Variants in CLYBL observed in about 807,000 individuals in gnomAD.
CLYBL encodes the protein citramalyl-CoA lyase.
CLYBL carries 31 observed loss-of-function variants against 38.9 expected under a neutral mutation model. The observed-to-expected ratio is 0.80, with a 90% CI of 0.60 to 1.08. The LOEUF is 1.08. CLYBL is among the 50% of genes least tolerant of loss of function. The pLI is 0.00. For missense variants in CLYBL, 434 were observed against 411.6 expected (o/e 1.05, Z -0.47); for synonymous variants, 171 against 158.6 (o/e 1.08, Z -0.59).
intron 9 of CLYBL, among the ~76,000 whole-genome samples, chr13:99,906,041 T>C (rs552171182): frequency 6.6e-6 from 1 of 152,306 alleles, no homozygotes; most frequent in African/African-American, 2.4e-5. Flanking sequence ...CCCAAAGTGC[T>C]AGGATTACAG....
At chr13:99,627,187 C>G (rs193212304) in intron 1 of CLYBL, among the ~76,000 whole-genome samples, 3 of 152,144 alleles carry the variant, frequency 2.0e-5, no homozygotes, top group Non-Finnish European at 4.4e-5. Flanking sequence ...TAATTTCTGA[C>G]TCAGACATCT....
chr13:99,670,561 C>A (rs2047551000), intron 1 of CLYBL, among the ~76,000 whole-genome samples: 2 of 152,122 alleles, frequency 1.3e-5, no homozygotes, highest in Admixed American at 1.3e-4. Flanking sequence ...CTGCTCTGCC[C>A]TTCTTTCAAC....
intron 2 of CLYBL, among the ~76,000 whole-genome samples, chr13:99,800,003 G>A (rs986477249): frequency 2.0e-5 from 3 of 152,210 alleles, no homozygotes; most frequent in African/African-American, 4.8e-5. Context: ...ATCCTGTTGG[G>A]ATTCTTTTAT....
At chr13:99,625,965 C>A (rs1035333540) in intron 1 of CLYBL, among the ~76,000 whole-genome samples, 4 of 152,144 alleles carry the variant, frequency 2.6e-5, no homozygotes, top group African/African-American at 9.7e-5. Flanking sequence ...AAGAAGGGTG[C>A]GGTGTGAGGT....
intron 2 of CLYBL, among the ~76,000 whole-genome samples, chr13:99,851,353 G>A (rs2051325342): frequency 8.7e-6 from 1 of 114,334 alleles, no homozygotes; most frequent in African/African-American, 3.4e-5. Flanking sequence ...GGCAACAAGA[G>A]TGAAAGTCCA....
intron 2 of CLYBL, among the ~76,000 whole-genome samples, chr13:99,805,690 C>A (rs1002301915): frequency 6.6e-6 from 1 of 151,854 alleles, no homozygotes; most frequent in Non-Finnish European, 1.5e-5. Context: ...TCAGCAGGTG[C>A]CCTTATTTTT....
chr13:99,787,880 AGT>A (rs960299024), intron 2 of CLYBL, among the ~76,000 whole-genome samples: 3 of 152,192 alleles, frequency 2.0e-5, no homozygotes, highest in Admixed American at 6.5e-5. Context: ...TTCACTGAGC[AGT>A]GCTTTGTAGT....
At chr13:99,611,104 A>G (rs75912441) in intron 1 of CLYBL, among the ~76,000 whole-genome samples, 3 of 152,204 alleles carry the variant, frequency 2.0e-5, no homozygotes, top group Non-Finnish European at 4.4e-5. Flanking sequence ...TTGATTTTCA[A>G]GTCTACCACA....
intron 2 of CLYBL, among the ~76,000 whole-genome samples, chr13:99,802,033 A>T (rs749118819): frequency 4.6e-5 from 7 of 152,186 alleles, no homozygotes; most frequent in Non-Finnish European, 1.0e-4. Flanking sequence ...CAAAAAAACA[A>T]AAAAACACAC....
At chr13:99,751,760 A>G (rs1008820431) in intron 1 of CLYBL, among the ~76,000 whole-genome samples, 1 of 152,160 alleles carries the variant, frequency 6.6e-6, no homozygotes, top group Admixed American at 6.5e-5. Flanking sequence ...CACAACGGTG[A>G]GAATGTACTC....
intron 7 of CLYBL, among the ~76,000 whole-genome samples, chr13:99,875,886 T>C (rs2052026136): frequency 6.6e-6 from 1 of 152,164 alleles, no homozygotes. Context: ...CCCTGCTCAT[T>C]TAACATTTTC....
chr13:99,768,773 A>G (rs766261269), intron 1 of CLYBL, among the ~76,000 whole-genome samples: 2 of 152,070 alleles, frequency 1.3e-5, no homozygotes, highest in African/African-American at 2.4e-5. Flanking sequence ...TCGGCCTCCC[A>G]AAGTGCTAGG....
At chr13:99,607,586 G>T (rs1475469931) in intron 1 of CLYBL, among the ~76,000 whole-genome samples, 1 of 152,108 alleles carries the variant, frequency 6.6e-6, no homozygotes, top group Non-Finnish European at 1.5e-5. Flanking sequence ...GTCTCATTTG[G>T]TTCCCTTGAC....
At chr13:99,625,933 G>A (rs752823986) in intron 1 of CLYBL, among the ~76,000 whole-genome samples, 7 of 152,142 alleles carry the variant, frequency 4.6e-5, no homozygotes, top group Non-Finnish European at 7.3e-5. Flanking sequence ...CGTGAGATAC[G>A]GGCTCCTTTT....
intron 2 of CLYBL, among the ~76,000 whole-genome samples, chr13:99,776,550 T>A (rs897030521): frequency 2.0e-5 from 3 of 151,892 alleles, no homozygotes; most frequent in Non-Finnish European, 2.9e-5. Context: ...AGGACTTAAT[T>A]TTATCTGACA....
At chr13:99,846,159 A>G (rs930250969) in intron 2 of CLYBL, among the ~76,000 whole-genome samples, 8 of 152,126 alleles carry the variant, frequency 5.3e-5, no homozygotes, top group Admixed American at 3.9e-4. Flanking sequence ...TACAAAATAC[A>G]TAAGTAAAAT....
chr13:99,655,355 C>T (rs1380426312), intron 1 of CLYBL, among the ~76,000 whole-genome samples: 2 of 152,248 alleles, frequency 1.3e-5, no homozygotes, highest in African/African-American at 4.8e-5. Flanking sequence ...GGATTATAGG[C>T]GTGAGCCACT....
rs942762865 is a variant in CLYBL at position 99,653,316 on chromosome 13, G to A, written c.62+46559G>A. ...TTTAAAGAGCAGGAATAAGCAGCAG[G>A]CCACTGCTAAGGAATCTGTGTCATG... is the stretch of plus-strand genomic sequence containing the variant. On this transcript the variant is annotated intron_variant, in intron 1 of 8. Transcript: ENST00000339105. Among the ~76,000 whole-genome samples the A allele has an allele frequency of 8.0e-4, 122 of 152,118 alleles. 2 individuals are homozygous for A. Among genetic ancestry groups the A allele is most frequent in the Non-Finnish European group, 1.6e-4 (11 of 68,010 alleles).
chr13:99,862,681 C>T (rs958654282), intron 3 of CLYBL, among the ~76,000 whole-genome samples: 4 of 152,158 alleles, frequency 2.6e-5, no homozygotes, highest in Admixed American at 1.3e-4. Context: ...GGCAAGAGGT[C>T]TTAAGTAAAT....
Sources: gnomAD v4.1 joint callset for allele counts (sites outside exome capture counted in the v4.1 genomes callset) on GRCh38, gnomAD v4.1.1 for gene constraint, MANE v1.5 for transcripts, NCBI Gene and HGNC (gene_info 2026-07-23, HGNC 2026-07-21) for gene names.